The following ARHGAP39 variants were observed in gnomAD, a reference collection of about 807,000 sequenced individuals.
ARHGAP39 encodes the protein rho GTPase-activating protein 39.
ARHGAP39 carries 44 observed loss-of-function variants against 106.9 expected under a neutral mutation model. That is an observed-to-expected ratio of 0.41 (90% confidence interval 0.32 to 0.53). The LOEUF is 0.53. ARHGAP39 is among the 20% of genes least tolerant of loss of function. The pLI, the probability that ARHGAP39 is intolerant of heterozygous loss-of-function variation, is 0.21. For missense variants in ARHGAP39, 1,496 were observed against 1,577.3 expected (o/e 0.95, Z 0.87); for synonymous variants, 768 against 693.2 (o/e 1.11, Z -1.69).
chr8:144,550,028 A>G (rs1457122083), intron 4 of ARHGAP39, among the ~76,000 whole-genome samples: 2 of 152,012 alleles, frequency 1.3e-5, no homozygotes, highest in Non-Finnish European at 2.9e-5. Context: ...ATCCAAAGAC[A>G]TTGGGAGGCT....
intron 3 of ARHGAP39, among the ~76,000 whole-genome samples, chr8:144,570,296 C>T (rs1818541628): frequency 6.6e-6 from 1 of 152,170 alleles, no homozygotes; most frequent in African/African-American, 2.4e-5. Context: ...GAACTAAATC[C>T]TCTTGTTGCA....
In ARHGAP39 at chr8:144,547,802, G is replaced by A. The variant is rs1348157915; in HGVS notation, c.1284C>T (p.Ser428=). 2 of 1,594,580 alleles carry A rather than the reference G, an allele frequency of 1.3e-6. No individual in the cohort carries two copies. The highest frequency in any genetic ancestry group is 1.1e-5 in the South Asian group (1 of 89,166). The change falls in exon 5 of 12, where the codon TCC becomes TCT. Residue 428 remains serine, a synonymous_variant. Coordinates refer to ENST00000377307, the MANE Select transcript of ARHGAP39 (RefSeq NM_025251.3). The surrounding 1 kb of genome is among the most constrained non-coding windows in gnomAD (Gnocchi z 5.2). ...YAPNPGGGSY[S]LQPSPCLLRD... The stretch of plus-strand genomic sequence containing the variant: ...TCAGCAGGCAGGGGCTGGGCTGCAA[G>A]GAGTACGAACCACCGCCGGGGTTGG...
intron 1 of ARHGAP39, among the ~76,000 whole-genome samples, chr8:144,620,963 G>A (rs916353008): frequency 3.3e-5 from 5 of 152,276 alleles, no homozygotes; most frequent in Non-Finnish European, 7.3e-5. Context: ...GCACAGACCC[G>A]TCCCTTGGCA....
intron 2 of ARHGAP39, among the ~76,000 whole-genome samples, chr8:144,588,473 C>T (rs1563690004): frequency 6.6e-6 from 1 of 152,252 alleles, no homozygotes; most frequent in African/African-American, 2.4e-5. Context: ...GGGAGGTGGC[C>T]CTAAGCCTCC....
At chr8:144,587,394 T>C (rs115550492) in intron 2 of ARHGAP39, among the ~76,000 whole-genome samples, 1,801 of 152,276 alleles carry the variant, frequency 0.012, 43 homozygotes, top group African/African-American at 0.041. Flanking sequence ...CACGACAAGA[T>C]GAGTTTCTAC....
chr8:144,630,057 G>A (rs1483748302), intron 1 of ARHGAP39, among the ~76,000 whole-genome samples: 1 of 152,108 alleles, frequency 6.6e-6, no homozygotes, highest in Non-Finnish European at 1.5e-5. Flanking sequence ...CCTGGCAATG[G>A]TGTGGGACGA....
Position 144,669,796 on chromosome 8 carries a change from A to C in ARHGAP39, c.-82+15890T>G, listed in dbSNP as rs1220332817. On this transcript the variant is annotated intron_variant, in intron 1 of 11. Transcript: ENST00000377307. ...CTCAACATCATTAGCCATTGGGGAA[A>C]TACAAATAAAAATCACTGAGATGTC... is the stretch of plus-strand genomic sequence containing the variant. 1.1e-4 allele frequency among the ~76,000 whole-genome samples: 17 copies of C among 152,358 alleles called. No individual in the cohort carries two copies. The South Asian group carries it at 3.1e-3, about 28-fold the overall frequency.
intron 1 of ARHGAP39, among the ~76,000 whole-genome samples, chr8:144,650,739 T>C (rs1469670926): frequency 6.6e-6 from 1 of 152,134 alleles, no homozygotes; most frequent in Non-Finnish European, 1.5e-5. Flanking sequence ...AAACCAAGTA[T>C]TGAAGGAACA....
intron 1 of ARHGAP39, among the ~76,000 whole-genome samples, chr8:144,639,338 A>AAAAAAAAG (rs1554610292): frequency 6.8e-6 from 1 of 146,254 alleles, no homozygotes; most frequent in African/African-American, 2.7e-5. Context: ...AAAAAAAAAA[A>AAAAAAAAG]AAAGAAAGAA....
At chr8:144,563,862 A>G (rs1818297528) in intron 3 of ARHGAP39, among the ~76,000 whole-genome samples, 1 of 152,210 alleles carries the variant, frequency 6.6e-6, no homozygotes, top group Non-Finnish European at 1.5e-5. Flanking sequence ...TTTTTGTTGT[A>G]GGCTTGACAA....
intron 2 of ARHGAP39, among the ~76,000 whole-genome samples, chr8:144,600,222 G>C (rs1819801761): frequency 7.1e-6 from 1 of 141,098 alleles, no homozygotes; most frequent in Admixed American, 7.1e-5. Context: ...TGGGGGGCAT[G>C]TGTGCAAGCT....
At position 144,647,124 on chromosome 8, in the gene ARHGAP39, A is replaced by G. The variant is rs1212937407; in HGVS notation, c.-82+38562T>C. Among the ~76,000 whole-genome samples, 1 of 151,862 alleles carries G rather than the reference A, an allele frequency of 6.6e-6. No homozygotes were observed. The highest frequency in any genetic ancestry group is 2.4e-5 in the African/African-American group (1 of 41,332). ...GCTGGGACTACAGCCACCCGCCACC[A>G]TGCCCGGCTAATTTTTGTATTTTTC... On this transcript the variant is annotated intron_variant, in intron 1 of 11. Coordinates refer to ENST00000377307, the MANE Select transcript of ARHGAP39 (RefSeq NM_025251.3). The surrounding 1 kb of genome is among the most constrained non-coding windows in gnomAD (Gnocchi z 4.8).
chr8:144,614,224 G>A (rs1288074580), intron 1 of ARHGAP39, among the ~76,000 whole-genome samples: 1 of 152,066 alleles, frequency 6.6e-6, no homozygotes, highest in Non-Finnish European at 1.5e-5. Flanking sequence ...TGTCAGTTTT[G>A]ATGGATTTTT....
At chr8:144,596,855 C>T (rs1448772623) in intron 2 of ARHGAP39, among the ~76,000 whole-genome samples, 1 of 152,246 alleles carries the variant, frequency 6.6e-6, no homozygotes, top group African/African-American at 2.4e-5. Flanking sequence ...TACCACACCC[C>T]TAAGCACCGG....
At chr8:144,602,668 G>T (rs530975723) in intron 2 of ARHGAP39, among the ~76,000 whole-genome samples, 1 of 143,064 alleles carries the variant, frequency 7.0e-6, no homozygotes, top group Non-Finnish European at 1.5e-5. Flanking sequence ...GCATGGAGGC[G>T]TGCGTGCGAG....
At chr8:144,578,510 G>A (rs1329629745) in intron 3 of ARHGAP39, among the ~76,000 whole-genome samples, 3 of 152,206 alleles carry the variant, frequency 2.0e-5, no homozygotes, top group Non-Finnish European at 2.9e-5. Context: ...TTACAGGCGT[G>A]TGCCACTTTT....
rs375868923 is a variant in ARHGAP39, at chr8:144,545,441, C to T, written c.2329G>A (p.Val777Met). Residue 777 changes from valine to methionine, a missense_variant, in exon 6 of 12, where the codon GTG becomes ATG. Coordinates refer to ENST00000377307, the MANE Select transcript of ARHGAP39 (RefSeq NM_025251.3). ...ALEVATKGWS[V>M]QGLRDELYIQ... ...TAGAGCTCGTCCCGCAGGCCCTGCA[C>T]GCTCCAGCCCTTGGTGGCCACCTCC... The T allele has an allele frequency of 4.4e-5, 70 of 1,589,668 alleles. No homozygotes were observed. Among genetic ancestry groups the T allele is most frequent in the South Asian group, 3.9e-4 (35 of 90,164 alleles).
chr8:144,535,207 G>C (rs1341867924), intron 7 of ARHGAP39, among the ~76,000 whole-genome samples: 1 of 152,208 alleles, frequency 6.6e-6, no homozygotes, highest in East Asian at 1.9e-4. Flanking sequence ...TGAGGGCATG[G>C]GGTCCTTGGA....
intron 1 of ARHGAP39, among the ~76,000 whole-genome samples, chr8:144,622,345 C>T (rs1820828257): frequency 6.6e-6 from 1 of 152,176 alleles, no homozygotes; most frequent in African/African-American, 2.4e-5. Flanking sequence ...CTCACACCCC[C>T]ATGGCCATGT....
Sources: allele counts gnomAD v4.1 joint callset (sites outside exome capture counted in the v4.1 genomes callset), GRCh38; gene constraint gnomAD v4.1.1; non-coding constraint Gnocchi (gnomAD v3.1); transcripts MANE v1.5; gene names NCBI Gene and HGNC (gene_info 2026-07-23, HGNC 2026-07-21).